The following PCDH15 variants were observed in gnomAD, a reference collection of about 807,000 sequenced individuals.
The protein encoded by PCDH15 is protocadherin related 15, also known as protocadherin-15.
Under a neutral mutation model 178.5 loss-of-function variants are expected in PCDH15, and 129 were observed. The ratio of observed to expected loss-of-function variants is 0.72; its 90% CI spans 0.63 to 0.84. PCDH15 has a LOEUF of 0.84. PCDH15 is among the 40% of genes least tolerant of loss of function. The probability of loss-of-function intolerance (pLI) is 0.00; values close to 1 mark genes in which losing one functional copy is unlikely to be tolerated. For synonymous variants in PCDH15, 800 were observed against 732.0 expected (o/e 1.09, Z -1.50); for missense variants, 2,230 against 2,099.9 (o/e 1.06, Z -1.21).
chr10:55,603,425 T>C (rs1053788471), intron 2 of PCDH15, among the ~76,000 whole-genome samples: 46 of 151,422 alleles, frequency 3.0e-4, no homozygotes, highest in Admixed American at 1.5e-3. Flanking sequence ...GAAGAGCAAC[T>C]CCAAGACACA....
chr10:54,551,642 A>G (rs1486165088), intron 2 of PCDH15, among the ~76,000 whole-genome samples: 1 of 152,138 alleles, frequency 6.6e-6, no homozygotes, highest in Non-Finnish European at 1.5e-5. Context: ...ATATGTATAT[A>G]CTGAATGACT....
At chr10:54,790,795 A>C (rs1261109969) in intron 1 of PCDH15, among the ~76,000 whole-genome samples, 12 of 151,980 alleles carry the variant, frequency 7.9e-5, no homozygotes, top group Admixed American at 7.9e-4. Flanking sequence ...TAAAACCTGA[A>C]ACCCTAAAAA....
intron 2 of PCDH15, among the ~76,000 whole-genome samples, chr10:55,098,574 C>G (rs1842497264): frequency 6.6e-6 from 1 of 152,010 alleles, no homozygotes; most frequent in African/African-American, 2.4e-5. Context: ...TCCATCTTCC[C>G]TCTATTTGCC....
Position 54,031,408 on chromosome 10 carries a change from A to T in PCDH15, c.2221-8211T>A, listed in dbSNP as rs77400211. 6.8e-3 allele frequency among the ~76,000 whole-genome samples: 1,034 copies of T among 152,202 alleles called. 10 individuals are homozygous for T. Among genetic ancestry groups the T allele is most frequent in the African/African-American group, 0.023 (975 of 41,546 alleles). On this transcript the variant is annotated intron_variant, in intron 18 of 37. Transcript: ENST00000644397. ...CTATTTAAGTATGCTACGCAATTAA[A>T]TAATTGGCCTAAAAATCTGTGGTGT...
intron 13 of PCDH15, among the ~76,000 whole-genome samples, chr10:54,173,874 T>C (rs778079808): frequency 2.0e-5 from 3 of 152,114 alleles, no homozygotes; most frequent in Admixed American, 6.5e-5. Flanking sequence ...AGGGGTAACA[T>C]TGAGAAGAGG....
intron 2 of PCDH15, among the ~76,000 whole-genome samples, chr10:55,371,415 A>G (rs1251617914): frequency 6.6e-6 from 1 of 152,094 alleles, no homozygotes; most frequent in Non-Finnish European, 1.5e-5. Context: ...AACCACTGCA[A>G]TAGTGATATG....
At position 55,376,577 on chromosome 10, in the gene PCDH15, TGAA is replaced by T. The variant is rs1227874535; in HGVS notation, c.-155-209929_-155-209927del. Reference sequence around the variant, plus strand: ...GACTCCCATTTTTAGCTTTGATTATTGAAGAAGAAGGTATGTAATATTCCCATA... The same window carrying T: ...GACTCCCATTTTTAGCTTTGATTATTGAAGAAGGTATGTAATATTCCCATA... On this transcript the variant is annotated intron_variant, in intron 2 of 5. Coordinates refer to the PCDH15 transcript ENST00000613346. Among the ~76,000 whole-genome samples, 17 of 152,228 alleles carry T rather than the reference TGAA, an allele frequency of 1.1e-4. 1 individual carries two copies. The highest frequency in any genetic ancestry group is 3.8e-4 in the African/African-American group (16 of 41,590).
intron 2 of PCDH15, among the ~76,000 whole-genome samples, chr10:54,625,623 C>T (rs1376654958): frequency 6.6e-6 from 1 of 152,162 alleles, no homozygotes; most frequent in Non-Finnish European, 1.5e-5. Context: ...TTGCCTTCCA[C>T]CATGATTGTG....
intron 2 of PCDH15, among the ~76,000 whole-genome samples, chr10:55,485,806 C>G (rs1307927512): frequency 6.6e-6 from 1 of 151,672 alleles, no homozygotes; most frequent in East Asian, 1.9e-4. Context: ...TCCAAGGAAA[C>G]TATATCAGTA....
intron 9 of PCDH15, among the ~76,000 whole-genome samples, chr10:54,234,724 A>C (rs1269830505): frequency 4.6e-5 from 7 of 152,228 alleles, no homozygotes; most frequent in Non-Finnish European, 1.0e-4. Flanking sequence ...TAAATAGTGT[A>C]AAAGGATATT....
intron 2 of PCDH15, among the ~76,000 whole-genome samples, chr10:55,070,285 A>C (rs1249755594): frequency 1.3e-5 from 2 of 152,132 alleles, no homozygotes; most frequent in Non-Finnish European, 2.9e-5. Flanking sequence ...TAGTTTAATT[A>C]GATCCCATTT....
intron 6 of PCDH15, among the ~76,000 whole-genome samples, chr10:54,335,071 AT>A (rs1327527601): frequency 6.6e-6 from 1 of 152,058 alleles, no homozygotes; most frequent in East Asian, 1.9e-4. Context: ...TGAAAATTCT[AT>A]GTTATTGTCA....
chr10:55,392,675 GTAAA>G (rs1837824370), intron 2 of PCDH15, among the ~76,000 whole-genome samples: 1 of 151,858 alleles, frequency 6.6e-6, no homozygotes, highest in African/African-American at 2.4e-5. Flanking sequence ...TTCACCATAG[GTAAA>G]TAAATATTTT....
At position 54,079,352 on chromosome 10, in the gene PCDH15, A is replaced by G; in HGVS notation, c.2070T>C (p.Ala690=). Reference sequence around the variant, plus strand: ...TCACCCCATCTGGCCTGCCATCTGAAGCTGTGATGATCAGAATGTAGCGAT... The same window carrying G: ...TCACCCCATCTGGCCTGCCATCTGAGGCTGTGATGATCAGAATGTAGCGAT... ...STDRYILIIT[A]SDGRPDGTST... Residue 690 remains alanine (A), a synonymous_variant, in exon 17 of 38, where the codon GCT becomes GCC. Transcript: ENST00000644397. The G allele has an allele frequency of 6.2e-7, 1 of 1,614,110 alleles. No individual in the cohort carries two copies. The highest frequency in any genetic ancestry group is 8.5e-7 in the Non-Finnish European group (1 of 1,179,972).
chr10:55,097,361 T>C (rs1842470779), intron 2 of PCDH15, among the ~76,000 whole-genome samples: 1 of 152,096 alleles, frequency 6.6e-6, no homozygotes, highest in African/African-American at 2.4e-5. Context: ...TGAAGGTACA[T>C]AGCTGGGATT....
intron 35 of PCDH15, among the ~76,000 whole-genome samples, chr10:53,811,936 C>T (rs1314000126): frequency 6.6e-6 from 1 of 152,088 alleles, no homozygotes; most frequent in African/African-American, 2.4e-5. Context: ...TTTTGGATGT[C>T]TTTTAAAATT....
chr10:55,362,956 TAATAA>T (rs1845266115), intron 2 of PCDH15, among the ~76,000 whole-genome samples: 1 of 152,276 alleles, frequency 6.6e-6, no homozygotes, highest in Non-Finnish European at 1.5e-5. Flanking sequence ...CCTGATGAGC[TAATAA>T]AATAAAATAA....
At chr10:54,411,681 T>A (rs4483501) in intron 3 of PCDH15, among the ~76,000 whole-genome samples, 120,638 of 152,090 alleles carry the variant, frequency 0.79, 48,616 homozygotes, top group East Asian at 0.97. Context: ...TCTATATTGT[T>A]TATTTCTGGA....
chr10:55,121,365 G>GC (rs1008820049), intron 2 of PCDH15, among the ~76,000 whole-genome samples: 20 of 149,298 alleles, frequency 1.3e-4, no homozygotes, highest in Non-Finnish European at 2.4e-4. Context: ...AGCTGGGGGG[G>GC]GGCAATTTGC....
Sources: allele counts gnomAD v4.1 joint callset (sites outside exome capture counted in the v4.1 genomes callset), GRCh38; gene constraint gnomAD v4.1.1; transcripts MANE v1.5; gene names NCBI Gene and HGNC (gene_info 2026-07-23, HGNC 2026-07-21).